Variants in ADGRB3 observed in about 807,000 individuals in gnomAD.
ADGRB3 encodes the protein brain-specific angiogenesis inhibitor 3.
A neutral mutation model predicts 193.4 loss-of-function variants in ADGRB3; 37 were observed. The observed-to-expected ratio is 0.19, with a 90% CI of 0.15 to 0.25. The LOEUF is 0.25. ADGRB3 is among the 10% of genes least tolerant of loss of function. ADGRB3 has a pLI of 1.00. For synonymous variants in ADGRB3, 690 were observed against 644.2 expected, an observed-to-expected ratio of 1.07 and a Z score of -1.08; for missense variants, 1,637 against 1,852.9, an observed-to-expected ratio of 0.88 and a Z score of 2.14.
chr6:69,040,697 A>C (rs1391345395), intron 13 of ADGRB3, among the ~76,000 whole-genome samples: 8 of 144,972 alleles, frequency 5.5e-5, no homozygotes, highest in South Asian at 2.1e-4. Flanking sequence ...AAAAAAAAAA[A>C]AAAAAAAAAA....
At chr6:68,714,748 T>A (rs1245231806) in intron 3 of ADGRB3, among the ~76,000 whole-genome samples, 2 of 151,760 alleles carry the variant, frequency 1.3e-5, no homozygotes, top group Non-Finnish European at 2.9e-5. Flanking sequence ...GATTTTTATC[T>A]TAAAATATCT....
chr6:68,939,897 A>C (rs1767589136), intron 5 of ADGRB3, among the ~76,000 whole-genome samples: 1 of 152,210 alleles, frequency 6.6e-6, no homozygotes, highest in South Asian at 2.1e-4. Context: ...AATGAAAATG[A>C]CACAATAAAT....
intron 3 of ADGRB3, among the ~76,000 whole-genome samples, chr6:68,733,409 T>A (rs906964482): frequency 6.6e-6 from 1 of 151,756 alleles, no homozygotes; most frequent in Non-Finnish European, 1.5e-5. Flanking sequence ...AAACACTGCA[T>A]GTTCTCACTT....
chr6:69,187,060 T>A (rs939355658), intron 17 of ADGRB3, among the ~76,000 whole-genome samples: 3 of 151,968 alleles, frequency 2.0e-5, no homozygotes, highest in African/African-American at 4.8e-5. Flanking sequence ...CAGTTTTCTT[T>A]CTGATTTCCC....
intron 13 of ADGRB3, among the ~76,000 whole-genome samples, chr6:69,020,530 A>T (rs1327227256): frequency 6.6e-6 from 1 of 151,962 alleles, no homozygotes; most frequent in Non-Finnish European, 1.5e-5. Context: ...CTTAAATGTT[A>T]TTAAACTGTA....
chr6:69,016,799 G>A (rs1418535271), intron 12 of ADGRB3, among the ~76,000 whole-genome samples: 2 of 151,850 alleles, frequency 1.3e-5, no homozygotes, highest in Non-Finnish European at 2.9e-5. Flanking sequence ...AAAAGTAAAT[G>A]TTCTTAGAAA....
intron 3 of ADGRB3, among the ~76,000 whole-genome samples, chr6:68,894,610 G>C (rs1051062730): frequency 1.1e-4 from 17 of 151,850 alleles, no homozygotes; most frequent in African/African-American, 3.1e-4. Flanking sequence ...ATGAACTCAT[G>C]TTATATACAC....
At chr6:68,866,741 A>C (rs1431267136) in intron 3 of ADGRB3, among the ~76,000 whole-genome samples, 1 of 152,192 alleles carries the variant, frequency 6.6e-6, no homozygotes, top group Admixed American at 6.5e-5. Flanking sequence ...ATTTATTGGG[A>C]ACTGGAGCAA....
Position 68,771,704 on chromosome 6 carries a change from A to G in ADGRB3, c.757+132272A>G, listed in dbSNP as rs75185299. Reference sequence around the variant, plus strand: ...GCAATATCATGTAATTTCAAATGTCATGAAGAAAAATATAGCAGCATTAAG... The same window carrying G: ...GCAATATCATGTAATTTCAAATGTCGTGAAGAAAAATATAGCAGCATTAAG... On this transcript the variant is annotated intron_variant, in intron 3 of 31. Transcript: ENST00000370598. 9.3e-3 allele frequency among the ~76,000 whole-genome samples: 1,422 copies of G among 152,226 alleles called. 25 individuals are homozygous for G. The highest frequency in any genetic ancestry group is 0.033 in the African/African-American group (1,365 of 41,546).
chr6:68,919,605 A>C (rs1766982004), intron 3 of ADGRB3, among the ~76,000 whole-genome samples: 1 of 152,210 alleles, frequency 6.6e-6, no homozygotes, highest in Non-Finnish European at 1.5e-5. Flanking sequence ...AAGGCAATGA[A>C]AGAGACAGAA....
intron 17 of ADGRB3, among the ~76,000 whole-genome samples, chr6:69,156,735 T>C (rs1214493729): frequency 1.3e-5 from 2 of 152,230 alleles, no homozygotes; most frequent in African/African-American, 4.8e-5. Context: ...AATGTTGTTA[T>C]GAAAATAGAA....
chr6:68,723,900 G>A (rs116464333), intron 3 of ADGRB3, among the ~76,000 whole-genome samples: 1 of 151,526 alleles, frequency 6.6e-6, no homozygotes, highest in Non-Finnish European at 1.5e-5. Context: ...TAAGAGGTTT[G>A]TACTGACATC....
chr6:68,859,669 C>T (rs539948812), intron 3 of ADGRB3, among the ~76,000 whole-genome samples: 25 of 152,218 alleles, frequency 1.6e-4, no homozygotes, highest in African/African-American at 5.8e-4. Context: ...TATTTGCTAC[C>T]ATGAGAACAG....
chr6:69,307,621 TC>T (rs1768094542), intron 20 of ADGRB3, among the ~76,000 whole-genome samples: 1 of 151,600 alleles, frequency 6.6e-6, no homozygotes. Flanking sequence ...CTTTCAAATA[TC>T]TCTTCTTCTT....
At chr6:69,205,320 G>A (rs1765514186) in intron 17 of ADGRB3, among the ~76,000 whole-genome samples, 1 of 151,874 alleles carries the variant, frequency 6.6e-6, no homozygotes, top group African/African-American at 2.4e-5. Flanking sequence ...GAATCATCAT[G>A]CTCAGTTATA....
At chr6:68,997,488 C>CA (rs748557247) in intron 11 of ADGRB3, among the ~76,000 whole-genome samples, 5,845 of 52,124 alleles carry the variant, frequency 0.11, 553 homozygotes, top group African/African-American at 0.27. Flanking sequence ...ACTAAAAATA[C>CA]AAAAAAAAAA....
intron 3 of ADGRB3, among the ~76,000 whole-genome samples, chr6:68,783,164 G>A (rs1188552391): frequency 6.6e-6 from 1 of 151,254 alleles, no homozygotes; most frequent in Non-Finnish European, 1.5e-5. Flanking sequence ...TTTTACAGAT[G>A]ATAAAATTGA....
chr6:68,681,178 G>T (rs1764887545), intron 3 of ADGRB3, among the ~76,000 whole-genome samples: 1 of 152,130 alleles, frequency 6.6e-6, no homozygotes, highest in South Asian at 2.1e-4. Context: ...CATTATGGTG[G>T]AGAGGACACC....
At chr6:68,688,184 C>T (rs1765015526) in intron 3 of ADGRB3, among the ~76,000 whole-genome samples, 1 of 152,042 alleles carries the variant, frequency 6.6e-6, no homozygotes, top group South Asian at 2.1e-4. Flanking sequence ...ATGCCAACCC[C>T]ATCATTCTGC....
Sources: allele counts gnomAD v4.1 joint callset (sites outside exome capture counted in the v4.1 genomes callset), GRCh38; gene constraint gnomAD v4.1.1; transcripts MANE v1.5; gene names NCBI Gene and HGNC (gene_info 2026-07-23, HGNC 2026-07-21).